The following CSMD2 variants were observed in gnomAD, a reference collection of about 807,000 sequenced individuals.
The protein encoded by CSMD2 is CUB and Sushi multiple domains 2.
Under a neutral mutation model 398.5 loss-of-function variants are expected in CSMD2, and 130 were observed. The observed-to-expected ratio is 0.33, with a 90% CI of 0.28 to 0.38. CSMD2 has a LOEUF of 0.38. CSMD2 is among the 10% of genes least tolerant of loss of function. The pLI is 1.00. For missense variants in CSMD2, 3,829 were observed against 4,764.9 expected, an observed-to-expected ratio of 0.80 and a Z score of 5.78; for synonymous variants, 1,828 against 1,908.5, an observed-to-expected ratio of 0.96 and a Z score of 1.10.
chr1:33,624,568 C>A lies in CSMD2; in HGVS notation c.5576G>T (p.Ser1859Ile), dbSNP rs767642932. ...SPGFPEPYLN[S>I]LNCVWKIVVP... Reference sequence around the variant, plus strand: ...CACGATCTTCCACACACAGTTGAGGCTGTTGAGGTACGGCTCTGGGAAGCC... The same window carrying A: ...CACGATCTTCCACACACAGTTGAGGATGTTGAGGTACGGCTCTGGGAAGCC... Residue 1859 changes from serine (S) to isoleucine (I), a missense_variant, in exon 35 of 71, where the codon AGC (serine) becomes ATC (isoleucine). Coordinates refer to ENST00000373381, the MANE Select transcript of CSMD2 (RefSeq NM_001281956.2). The surrounding 1 kb of genome is among the most constrained non-coding windows in gnomAD (Gnocchi z 4.7). The A allele has an allele frequency of 6.2e-7, 1 of 1,614,024 alleles. No individual in the cohort carries two copies. Among genetic ancestry groups the A allele is most frequent in the African/African-American group, 1.3e-5 (1 of 75,062 alleles).
chr1:33,763,421 T>C (rs959107511), intron 13 of CSMD2, among the ~76,000 whole-genome samples: 2 of 152,200 alleles, frequency 1.3e-5, no homozygotes, highest in Non-Finnish European at 2.9e-5. Context: ...AGGCCAAGAA[T>C]TTTGTATTTT....
At chr1:34,076,923 AAAAAAATAT>A (rs1252524066) in intron 2 of CSMD2, among the ~76,000 whole-genome samples, 56 of 112,766 alleles carry the variant, frequency 5.0e-4, no homozygotes, top group African/African-American at 2.1e-3. Context: ...AAAAAAAAAA[AAAAAAATAT>A]ATATATATAT....
In CSMD2 at chr1:33,602,518, GGAA is replaced by G; in HGVS notation, c.6558_6560del (p.Ser2187del). ...ACCCCGGGGAGTACACAGTGCCGTT[GGAA>G]GAAGTGATGTTCCCGCCACAAGGGA... On this transcript the variant is annotated inframe_deletion, in exon 43 of 71. Transcript: ENST00000373381. 1 of 1,592,514 alleles carries G rather than the reference GGAA, an allele frequency of 6.3e-7. No individual in the cohort carries two copies. The highest frequency in any genetic ancestry group is 8.5e-7 in the Non-Finnish European group (1 of 1,169,966).
At chr1:33,678,357 T>TA (rs1403909693) in intron 25 of CSMD2, among the ~76,000 whole-genome samples, 15 of 137,444 alleles carry the variant, frequency 1.1e-4, no homozygotes, top group Non-Finnish European at 2.3e-4. Context: ...AATGAGAAAA[T>TA]AAAAAAAATT....
intron 15 of CSMD2, among the ~76,000 whole-genome samples, chr1:33,733,558 A>C (rs574488342): frequency 1.3e-5 from 2 of 152,112 alleles, no homozygotes; most frequent in African/African-American, 4.8e-5. Flanking sequence ...TCCCCACCCA[A>C]ATCTCACCTC....
At chr1:33,999,764 T>C (rs1646842118) in intron 3 of CSMD2, among the ~76,000 whole-genome samples, 1 of 152,204 alleles carries the variant, frequency 6.6e-6, no homozygotes, top group Admixed American at 6.5e-5. Context: ...CTTTAAAATA[T>C]GATGAGGATA....
In CSMD2 at chr1:33,924,985, C is replaced by T. The variant is rs570848270; in HGVS notation, c.713-6684G>A. ...GATGAATAGCTTGCAAATATTTTCT[C>T]GTCTTTAACAGGTCGTCTTTTCACT... is the stretch of plus-strand genomic sequence containing the variant. On this transcript the variant is annotated intron_variant, in intron 4 of 70. Transcript: ENST00000373381. Among the ~76,000 whole-genome samples, 6 of 152,244 alleles carry T rather than the reference C, an allele frequency of 3.9e-5. No individual in the cohort carries two copies. The South Asian group carries it at 1.0e-3, about 26-fold the overall frequency.
chr1:34,158,038 T>C (rs556574111), intron 1 of CSMD2, among the ~76,000 whole-genome samples: 1 of 152,258 alleles, frequency 6.6e-6, no homozygotes, highest in African/African-American at 2.4e-5. Context: ...AAGAATCTCA[T>C]TTTTAGAAGA....
intron 2 of CSMD2, among the ~76,000 whole-genome samples, chr1:34,076,435 G>A: frequency 6.6e-6 from 1 of 152,196 alleles, no homozygotes; most frequent in Non-Finnish European, 1.5e-5. Flanking sequence ...AGACAGCTGT[G>A]CTGTGCATTG....
Position 33,772,489 on chromosome 1 carries a change from C to T in CSMD2, c.1846+80G>A, listed in dbSNP as rs575221729. ...TTACAACCTGCAAGGTTCCCAGGGA[C>T]GGGGCCCCTGGATTAGCTAGGAAAC... is the stretch of plus-strand genomic sequence containing the variant. On this transcript the variant is annotated intron_variant, in intron 13 of 70. Coordinates refer to ENST00000373381, the MANE Select transcript of CSMD2 (RefSeq NM_001281956.2). 2.7e-4 allele frequency: 378 copies of T among 1,385,630 alleles called. 1 individual carries two copies. Among genetic ancestry groups the T allele is most frequent in the East Asian group, 9.0e-4 (39 of 43,296 alleles). The allele number at this position is 1,385,630 out of a possible 1,614,324, so 85.8% of individuals were successfully genotyped here. A position where few individuals can be genotyped will look rare whatever the true frequency, so the allele number is the denominator to read the frequency against.
At chr1:34,032,521 G>A (rs1159504815) in intron 3 of CSMD2, 73 bp downstream of exon 3, 3 of 945,570 alleles carry the variant, frequency 3.2e-6, no homozygotes, top group East Asian at 2.9e-5. Context: ...GCATCTGTGA[G>A]CAATGCAGTC....
At position 34,150,709 on chromosome 1, in the gene CSMD2, G is replaced by A. The variant is rs1640228945; in HGVS notation, c.187+14202C>T. 2.6e-5 allele frequency among the ~76,000 whole-genome samples: 4 copies of A among 151,926 alleles called. No homozygotes were observed. In the South Asian group the frequency reaches 8.3e-4, roughly 32 times the overall value. On this transcript the variant is annotated intron_variant, in intron 1 of 70. Transcript: ENST00000373381. Reference sequence around the variant, plus strand: ...GGGAAGATTACTTGAGGTCAGGAGTGCAAGACTAGCCCGGGCAACATAGCA... The same window carrying A: ...GGGAAGATTACTTGAGGTCAGGAGTACAAGACTAGCCCGGGCAACATAGCA...
Position 33,519,492 on chromosome 1 carries a change from G to GTCGC in CSMD2, c.*25_*26insGCGA. 6.2e-7 allele frequency: 1 copy of GTCGC among 1,608,066 alleles called. No homozygotes were observed. ...GCTGCTGGAGGCGGGGCTCTCGGTGGCGGTGGTGGCGGCCAGGCCGGGTGG... is the reference window on the plus strand; with the variant it reads ...GCTGCTGGAGGCGGGGCTCTCGGTGGTCGCCGGTGGTGGCGGCCAGGCCGGGTGG... On this transcript the variant is annotated 3_prime_UTR_variant, in exon 70 of 71. Transcript: ENST00000373381. This position sits in a 1 kb window ranked among gnomAD's most constrained non-coding sequence, Gnocchi z 5.6.
At chr1:33,520,366 A>G (rs1417530429) in intron 68 of CSMD2, among the ~76,000 whole-genome samples, 3 of 152,178 alleles carry the variant, frequency 2.0e-5, no homozygotes, top group African/African-American at 7.2e-5. Flanking sequence ...AAGCTGAAGC[A>G]TCTCCTTCTG....
At chr1:33,842,940 A>G (rs758899970) in intron 6 of CSMD2, among the ~76,000 whole-genome samples, 1 of 152,242 alleles carries the variant, frequency 6.6e-6, no homozygotes, top group East Asian at 1.9e-4. Flanking sequence ...GACCTGGAAC[A>G]TATCTTCCCA....
At chr1:33,625,727 A>T (rs1012861490) in intron 33 of CSMD2, among the ~76,000 whole-genome samples, 4 of 152,040 alleles carry the variant, frequency 2.6e-5, no homozygotes, top group Non-Finnish European at 4.4e-5. Flanking sequence ...TGGGCCCGGG[A>T]TGGCCTCCCC....
intron 3 of CSMD2, among the ~76,000 whole-genome samples, chr1:34,026,306 T>C (rs969426526): frequency 6.6e-6 from 1 of 152,150 alleles, no homozygotes; most frequent in African/African-American, 2.4e-5. Flanking sequence ...TTTCCCCTTA[T>C]GGTTACCAAG....
intron 5 of CSMD2, among the ~76,000 whole-genome samples, chr1:33,887,979 GA>G (rs908302011): frequency 1.3e-5 from 2 of 151,366 alleles, no homozygotes; most frequent in African/African-American, 2.4e-5. Flanking sequence ...TAAGCAACTA[GA>G]AAAAAAATGC....
chr1:34,027,862 GCAGACAGCC>G (rs1649864311), intron 3 of CSMD2, among the ~76,000 whole-genome samples: 1 of 151,772 alleles, frequency 6.6e-6, no homozygotes, highest in Non-Finnish European at 1.5e-5. Context: ...CCCTACATGG[GCAGACAGCC>G]CTACATGGGC....
Sources: allele counts gnomAD v4.1 joint callset (sites outside exome capture counted in the v4.1 genomes callset), GRCh38; gene constraint gnomAD v4.1.1; non-coding constraint Gnocchi (gnomAD v3.1); transcripts MANE v1.5; gene names NCBI Gene and HGNC (gene_info 2026-07-23, HGNC 2026-07-21).